DSC3: variants seen among roughly 807,000 people sequenced by gnomAD.
The protein encoded by DSC3 is desmocollin-3.
In DSC3, 97 loss-of-function variants were observed where a neutral mutation model predicts 89.5. That is an observed-to-expected ratio of 1.08 (90% CI 0.92 to 1.28). The LOEUF (loss-of-function observed/expected upper bound fraction) is 1.28. Ranked by LOEUF, DSC3 falls within the 50% of genes most tolerant of loss-of-function variation. The pLI, the probability that DSC3 is intolerant of heterozygous loss-of-function variation, is 0.00. For synonymous variants in DSC3, 436 were observed against 384.1 expected (o/e 1.14, Z -1.58); for missense variants, 1,199 against 1,085.3 (o/e 1.10, Z -1.47).
chr18:30,989,490 T>G lies in DSC3; in HGVS notation c.*4685A>C, dbSNP rs1396118700. On this transcript the variant is annotated 3_prime_UTR_variant, in exon 16 of 16. Transcript: ENST00000360428. ...GAGAATGACTGCTTAAAAGGTTTCC[T>G]CTTGGGGTGATGAAAATGTTCCAGA... is the stretch of plus-strand genomic sequence containing the variant. 6.6e-6 allele frequency among the ~76,000 whole-genome samples: 1 copy of G among 152,160 alleles called. No individual in the cohort carries two copies. The highest frequency in any genetic ancestry group is 1.5e-5 in the Non-Finnish European group (1 of 68,024).
At chr18:31,029,688 A>G in intron 3 of DSC3, 60 bp from the exon 4 acceptor site, 1 of 1,602,546 alleles carries the variant, frequency 6.2e-7, no homozygotes, top group Non-Finnish European at 8.5e-7. Context: ...TACTTTGTGT[A>G]AAATAGTGGA....
rs770049929 is a variant in DSC3, at chr18:31,029,536, C to G, written c.447G>C (p.Leu149Phe). ...GTTGAAGAAACAATGGGAAAGGGCC[C>G]AAGGAATTCTCTTGCATAGAGCAAG... ...PIPCSMQENSLGPFPLFLQQV... is the reference protein window; with the variant it reads ...PIPCSMQENSFGPFPLFLQQV... Residue 149 changes from leucine to phenylalanine, a missense_variant, in exon 4 of 16, where the codon TTG becomes TTC. By Grantham distance (22) the Leu-to-Phe change is conservative. Coordinates refer to ENST00000360428, the MANE Select transcript of DSC3 (RefSeq NM_001941.5). The G allele has an allele frequency of 3.1e-6, 5 of 1,613,732 alleles. No homozygotes were observed. In the East Asian group the frequency reaches 1.1e-4, roughly 36 times the overall value.
Position 31,031,059 on chromosome 18 carries a change from T to A in DSC3, c.268A>T (p.Lys90Ter). The A allele has an allele frequency of 6.2e-7, 1 of 1,614,122 alleles. No individual in the cohort carries two copies. Among genetic ancestry groups the A allele is most frequent in the South Asian group, 1.1e-5 (1 of 91,082 alleles). ...AGCCATATGGTAAATGATCTTTTCT[T>A]ATCAGACAGCGCAACAGCCCTGGCT... The part of the protein sequence containing the change: ...YTARAVALSD[K>*]KRSFTIWLSD... Residue 90 changes from lysine (K) to a stop codon, truncating the protein, a stop_gained, in exon 3 of 16, where the codon AAG (lysine) becomes TAG (stop). Coordinates refer to ENST00000360428, the MANE Select transcript of DSC3 (RefSeq NM_001941.5). LOFTEE classifies it high-confidence loss of function.
At position 31,008,476 on chromosome 18, in the gene DSC3, T is replaced by C; in HGVS notation, c.1313A>G (p.Asn438Ser). 1 of 1,614,198 alleles carries C rather than the reference T, an allele frequency of 6.2e-7. No homozygotes were observed. Among genetic ancestry groups the C allele is most frequent in the Non-Finnish European group, 8.5e-7 (1 of 1,180,024 alleles). The change falls in exon 10 of 16, where the codon AAC becomes AGC. Residue 438 changes from asparagine to serine, a missense_variant. By Grantham distance (46) the Asn-to-Ser change is conservative. Coordinates refer to ENST00000360428, the MANE Select transcript of DSC3 (RefSeq NM_001941.5). ...NRQVNLEIGV[N>S]NEAPFARDIP... Reference sequence around the variant, plus strand: ...ATCTCTAGCAAATGGCGCTTCATTGTTTACTCCAATTTCCAGGTTCACTTG... The same window carrying C: ...ATCTCTAGCAAATGGCGCTTCATTGCTTACTCCAATTTCCAGGTTCACTTG...
At chr18:31,009,591 A>G (rs540884551) in intron 9 of DSC3, among the ~76,000 whole-genome samples, 86 of 152,334 alleles carry the variant, frequency 5.6e-4, no homozygotes, top group Admixed American at 1.4e-3. Context: ...AATTTATCCA[A>G]TGAAACATTC....
chr18:30,999,333 T>G (rs947985026), intron 14 of DSC3, among the ~76,000 whole-genome samples: 1 of 152,134 alleles, frequency 6.6e-6, no homozygotes, highest in Non-Finnish European at 1.5e-5. Context: ...TACTGTCGCA[T>G]TGCCTTAGAA....
intron 9 of DSC3, among the ~76,000 whole-genome samples, chr18:31,011,065 C>T (rs1985040449): frequency 6.6e-6 from 1 of 152,314 alleles, no homozygotes; most frequent in Non-Finnish European, 1.5e-5. Context: ...TCCAAGATCA[C>T]ACAGCTGTGG....
intron 2 of DSC3, among the ~76,000 whole-genome samples, chr18:31,031,556 A>C (rs1460932216): frequency 6.6e-6 from 1 of 152,188 alleles, no homozygotes; most frequent in Non-Finnish European, 1.5e-5. Flanking sequence ...AGTGTTTAAG[A>C]TACACCTATA....
intron 14 of DSC3, 152 bp from the exon 15 acceptor site, chr18:30,997,200 C>T (rs1984506647): frequency 1.0e-6 from 1 of 976,430 alleles, no homozygotes; most frequent in Non-Finnish European, 1.5e-6. Context: ...ATTATGTGCC[C>T]AGATACTGTC....
chr18:30,998,629 A>G (rs984099557), intron 14 of DSC3, among the ~76,000 whole-genome samples: 12 of 152,232 alleles, frequency 7.9e-5, no homozygotes, highest in Non-Finnish European at 1.5e-4. Flanking sequence ...TAGAACCACA[A>G]GAAAAATCAC....
rs775366019 is a variant in DSC3, at chr18:31,004,299, T to C, written c.1956A>G (p.Val652=). Reference sequence around the variant, plus strand: ...TTGCAGCTTGGCCGGCCCTGTCTTTTACAGTAATAGGAATGGTATATTCTT... The same window carrying C: ...TTGCAGCTTGGCCGGCCCTGTCTTTCACAGTAATAGGAATGGTATATTCTT... The part of the protein sequence containing the change: ...GFQEYTIPIT[V]KDRAGQAATK... Residue 652 remains valine (V), a synonymous_variant, in exon 13 of 16, where the codon GTA becomes GTG. Transcript: ENST00000360428. The C allele has an allele frequency of 1.2e-6, 2 of 1,614,048 alleles. No homozygotes were observed. Among genetic ancestry groups the C allele is most frequent in the South Asian group, 2.2e-5 (2 of 91,082 alleles).
At chr18:31,008,889 G>A (rs1260590375) in intron 9 of DSC3, among the ~76,000 whole-genome samples, 1 of 152,168 alleles carries the variant, frequency 6.6e-6, no homozygotes, top group African/African-American at 2.4e-5. Context: ...GGTCATCTGA[G>A]TATGGGAAGT....
chr18:31,031,352 A>C (rs1289530799), intron 2 of DSC3, among the ~76,000 whole-genome samples, 180 bp from the exon 3 acceptor site: 3 of 152,224 alleles, frequency 2.0e-5, no homozygotes, highest in African/African-American at 7.2e-5. Context: ...ATTTTCTTTC[A>C]GTTAACAAAT....
chr18:31,024,195 T>A (rs1985516976), intron 6 of DSC3, among the ~76,000 whole-genome samples, 154 bp downstream of exon 6: 2 of 152,152 alleles, frequency 1.3e-5, no homozygotes, highest in African/African-American at 4.8e-5. Context: ...ACATGTTGAT[T>A]GAAAGTGATG....
At chr18:30,995,205 T>G (rs1984414327) in intron 15 of DSC3, among the ~76,000 whole-genome samples, 1 of 152,140 alleles carries the variant, frequency 6.6e-6, no homozygotes, top group African/African-American at 2.4e-5. Flanking sequence ...CTATGTGGAG[T>G]TCATTGGCAT....
intron 7 of DSC3, among the ~76,000 whole-genome samples, chr18:31,020,721 AT>A (rs771679058): frequency 5.9e-5 from 9 of 152,060 alleles, no homozygotes; most frequent in Non-Finnish European, 1.2e-4. Context: ...AGGCAGGCTT[AT>A]TGCTTGAGTG....
At chr18:31,002,686 G>A (rs1273459186) in intron 13 of DSC3, among the ~76,000 whole-genome samples, 3 of 115,308 alleles carry the variant, frequency 2.6e-5, no homozygotes, top group Non-Finnish European at 5.2e-5. Flanking sequence ...GGCAACAAGA[G>A]CAAAACTCTG....
intron 4 of DSC3, among the ~76,000 whole-genome samples, chr18:31,027,500 T>TTCC (rs1254953044): frequency 1.3e-5 from 1 of 74,640 alleles, no homozygotes; most frequent in Non-Finnish European, 2.8e-5. Context: ...TCCTTCCTTC[T>TTCC]TTCCTTCCTT....
intron 1 of DSC3, among the ~76,000 whole-genome samples, chr18:31,032,496 C>A (rs965550955): frequency 4.0e-5 from 6 of 151,514 alleles, no homozygotes; most frequent in African/African-American, 1.5e-4. Flanking sequence ...AGAATCATTT[C>A]TTCTAACATC....
Sources: gnomAD v4.1 joint callset for allele counts (sites outside exome capture counted in the v4.1 genomes callset) on GRCh38, gnomAD v4.1.1 for gene constraint, MANE v1.5 for transcripts, NCBI Gene and HGNC (gene_info 2026-07-23, HGNC 2026-07-21) for gene names.